The following TLX1 variants were observed in gnomAD, a reference collection of about 807,000 sequenced individuals.
TLX1 encodes the protein T cell leukemia homeobox 1, also known as T-cell leukemia homeobox protein 1.
Under a neutral mutation model 26.5 loss-of-function variants are expected in TLX1, and 6 were observed. The ratio of observed to expected loss-of-function variants is 0.23; its 90% CI spans 0.12 to 0.45. The LOEUF (loss-of-function observed/expected upper bound fraction) is 0.45, where lower values mean the gene tolerates loss of function less well. TLX1 is among the 20% of genes least tolerant of loss of function. The probability of loss-of-function intolerance (pLI) is 0.99; values close to 1 mark genes in which losing one functional copy is unlikely to be tolerated. For missense variants in TLX1, 418 were observed against 482.6 expected, an observed-to-expected ratio of 0.87 and a Z score of 1.25; for synonymous variants, 217 against 219.7, an observed-to-expected ratio of 0.99 and a Z score of 0.11.
rs1039845753 is a variant in TLX1 at position 101,132,251 on chromosome 10, G to C, written c.568+142G>C. On this transcript the variant is annotated intron_variant, in intron 1 of 2. Transcript: ENST00000370196. This position sits in a 1 kb window ranked among gnomAD's most constrained non-coding sequence, Gnocchi z 4.1. The stretch of plus-strand genomic sequence containing the variant: ...GTGCTTCCCCCAAGTTGAGCCGCCC[G>C]CCCGATTCTATAACGCAGACTCGCC... The C allele has an allele frequency of 1.4e-6, 1 of 695,670 alleles. No homozygotes were observed. The highest frequency in any genetic ancestry group is 1.9e-5 in the African/African-American group (1 of 53,786). The allele number at this position is 695,670 out of a possible 1,614,324, so 43.1% of individuals were successfully genotyped here. A position where few individuals can be genotyped will look rare whatever the true frequency, so the allele number is the denominator to read the frequency against.
chr10:101,136,810 G>A lies in TLX1; in HGVS notation c.890G>A (p.Cys297Tyr). The change falls in exon 3 of 3, where the codon TGC (cysteine) becomes TAC (tyrosine). Residue 297 changes from cysteine to tyrosine, a missense_variant. Transcript: ENST00000370196. The part of the protein sequence containing the change: ...LAQPLPADPL[C>Y]VHNSSLFALQ... The stretch of plus-strand genomic sequence containing the variant: ...CAGCCGCTGCCCGCTGACCCTCTGT[G>A]CGTGCACAACTCGTCGCTCTTCGCC... The A allele has an allele frequency of 6.2e-7, 1 of 1,613,652 alleles. No homozygotes were observed. The highest frequency in any genetic ancestry group is 8.5e-7 in the Non-Finnish European group (1 of 1,180,024).
chr10:101,133,953 G>A (rs983731792), intron 1 of TLX1, among the ~76,000 whole-genome samples: 7 of 152,160 alleles, frequency 4.6e-5, no homozygotes, highest in African/African-American at 1.7e-4. Context: ...CGACGGCGGC[G>A]TCGGACTGGC....
chr10:101,137,476 TC>T lies in TLX1; in HGVS notation c.*564del. 1 of 241,826 alleles carries T rather than the reference TC, an allele frequency of 4.1e-6. No homozygotes were observed. The highest frequency in any genetic ancestry group is 8.1e-6 in the Non-Finnish European group (1 of 123,126). 15.0% of individuals were successfully genotyped at this position (241,826 alleles called of 1,614,324 possible). On this transcript the variant is annotated 3_prime_UTR_variant, in exon 3 of 3. Coordinates refer to ENST00000370196, the MANE Select transcript of TLX1 (RefSeq NM_005521.4). ...GGCACAGGTCAGGGGTGACACAGACTCATCCTGAACAGCATGGCACTCCCTC... is the reference window on the plus strand; with the variant it reads ...GGCACAGGTCAGGGGTGACACAGACTATCCTGAACAGCATGGCACTCCCTC...
In TLX1 at chr10:101,137,362, G is replaced by C. The variant is rs146574082; in HGVS notation, c.*449G>C. The C allele has an allele frequency of 1.4e-3, 375 of 277,580 alleles. No homozygotes were observed. Among genetic ancestry groups the C allele is most frequent in the African/African-American group, 7.2e-3 (338 of 46,724 alleles). 17.2% of individuals were successfully genotyped at this position (277,580 alleles called of 1,614,324 possible). A position where few individuals can be genotyped will look rare whatever the true frequency, so the allele number is the denominator to read the frequency against. On this transcript the variant is annotated 3_prime_UTR_variant, in exon 3 of 3. Coordinates refer to ENST00000370196, the MANE Select transcript of TLX1 (RefSeq NM_005521.4). The stretch of plus-strand genomic sequence containing the variant: ...ACAGGTGGTGTCACTGTCCCTCCTG[G>C]TGTCACCCCAGAGCCACACATGGGC...
Position 101,131,526 on chromosome 10 carries a change from T to G in TLX1, c.-16T>G. 7.0e-7 allele frequency: 1 copy of G among 1,425,644 alleles called. No homozygotes were observed. The highest frequency in any genetic ancestry group is 2.8e-5 in the East Asian group (1 of 36,188). The allele number at this position is 1,425,644 out of a possible 1,614,324, so 88.3% of individuals were successfully genotyped here. A position where few individuals can be genotyped will look rare whatever the true frequency, so the allele number is the denominator to read the frequency against. Reference sequence around the variant, plus strand: ...GAGCGCCGCCGCCCGGGCCCCCCGGTGGGGCCAGGGCCAGCATGGAGCACC... The same window carrying G: ...GAGCGCCGCCGCCCGGGCCCCCCGGGGGGGCCAGGGCCAGCATGGAGCACC... On this transcript the variant is annotated 5_prime_UTR_variant, in exon 1 of 3. Coordinates refer to ENST00000370196, the MANE Select transcript of TLX1 (RefSeq NM_005521.4).
intron 2 of TLX1, among the ~76,000 whole-genome samples, chr10:101,135,997 G>C (rs1472635256): frequency 6.6e-6 from 1 of 152,190 alleles, no homozygotes; most frequent in African/African-American, 2.4e-5. Flanking sequence ...TTCATCGATC[G>C]CCTACAAATT....
Position 101,136,727 on chromosome 10 carries a change from G to A in TLX1, c.807G>A (p.Gln269=), listed in dbSNP as rs1280061131. 6.2e-7 allele frequency: 1 copy of A among 1,613,098 alleles called. No individual in the cohort carries two copies. Among genetic ancestry groups the A allele is most frequent in the Non-Finnish European group, 8.5e-7 (1 of 1,179,996 alleles). Residue 269 remains glutamine, a synonymous_variant, in exon 3 of 3, where the codon CAG becomes CAA. Coordinates refer to ENST00000370196, the MANE Select transcript of TLX1 (RefSeq NM_005521.4). ...CGGAGGAACGGGAGGCCGAGAGGCAGCAAGCGAACCGCATCCTCCTGCAGT... is the reference window on the plus strand; with the variant it reads ...CGGAGGAACGGGAGGCCGAGAGGCAACAAGCGAACCGCATCCTCCTGCAGT... ...QTAEEREAER[Q]QANRILLQLQ...
chr10:101,131,880 T>C lies in TLX1; in HGVS notation c.339T>C (p.Pro113=). ...VNMALAGGPG[P]GGGGGSSGGA... ...TGGCCTTGGCAGGCGGCCCCGGTCCTGGCGGCGGCGGCGGCAGCAGCGGCG... is the reference window on the plus strand; with the variant it reads ...TGGCCTTGGCAGGCGGCCCCGGTCCCGGCGGCGGCGGCGGCAGCAGCGGCG... The change falls in exon 1 of 3, where the codon CCT becomes CCC. Residue 113 remains proline, a synonymous_variant. Transcript: ENST00000370196. The C allele has an allele frequency of 1.4e-6, 2 of 1,400,528 alleles. No homozygotes were observed. The highest frequency in any genetic ancestry group is 9.2e-7 in the Non-Finnish European group (1 of 1,084,732). 86.8% of individuals were successfully genotyped at this position (1,400,528 alleles called of 1,614,324 possible).
In TLX1 at chr10:101,136,909, A is replaced by G. The variant is rs1404551020; in HGVS notation, c.989A>G (p.Glu330Gly). Reference sequence around the variant, plus strand: ...GTCACGTCGGTGGCGTCGGCCTGCGAGTGAGCCTGCCCATTCTGCCCTGTG... The same window carrying G: ...GTCACGTCGGTGGCGTCGGCCTGCGGGTGAGCCTGCCCATTCTGCCCTGTG... ...TSVTSVASAC[E>G] Residue 330 changes from glutamate to glycine, a missense_variant, in exon 3 of 3, where the codon GAG becomes GGG. This residue lies in a region of TLX1 where 78 missense variants were observed against 92.2 expected (regional missense o/e 0.85). Transcript: ENST00000370196. 6.2e-7 allele frequency: 1 copy of G among 1,613,326 alleles called. No individual in the cohort carries two copies. The highest frequency in any genetic ancestry group is 2.2e-5 in the East Asian group (1 of 44,864).
In TLX1 at chr10:101,136,930, C is replaced by G. The variant is rs1240018776; in HGVS notation, c.*17C>G. The G allele has an allele frequency of 6.2e-7, 1 of 1,611,828 alleles. No individual in the cohort carries two copies. Among genetic ancestry groups the G allele is most frequent in the East Asian group, 2.2e-5 (1 of 44,820 alleles). On this transcript the variant is annotated 3_prime_UTR_variant, in exon 3 of 3. Transcript: ENST00000370196. ...TGCGAGTGAGCCTGCCCATTCTGCCCTGTGGGACCCCAGGCCCACTCAGGG... is the reference window on the plus strand; with the variant it reads ...TGCGAGTGAGCCTGCCCATTCTGCCGTGTGGGACCCCAGGCCCACTCAGGG...
At chr10:101,134,504 C>T (rs1940248062) in intron 2 of TLX1, 128 bp downstream of exon 2, 2 of 1,101,010 alleles carry the variant, frequency 1.8e-6, no homozygotes, top group Non-Finnish European at 2.5e-6. Flanking sequence ...GAGGAGCGAG[C>T]TCCCGCTAGG....
At chr10:101,136,293 G>A (rs77007443) in intron 2 of TLX1, among the ~76,000 whole-genome samples, 2,818 of 152,292 alleles carry the variant, frequency 0.019, 74 homozygotes, top group African/African-American at 0.06. Flanking sequence ...CTGGACTTGT[G>A]GGTAGGGTGA....
chr10:101,131,913 G>C lies in TLX1; in HGVS notation c.372G>C (p.Gly124=). 1 of 1,399,426 alleles carries C rather than the reference G, an allele frequency of 7.1e-7. No individual in the cohort carries two copies. The highest frequency in any genetic ancestry group is 9.2e-7 in the Non-Finnish European group (1 of 1,084,882). 86.7% of individuals were successfully genotyped at this position (1,399,426 alleles called of 1,614,324 possible). Reference sequence around the variant, plus strand: ...GCGGCGGCAGCAGCGGCGGTGCCGGGGCACTCAGCGCTGCGGGGGTAATCC... The same window carrying C: ...GCGGCGGCAGCAGCGGCGGTGCCGGCGCACTCAGCGCTGCGGGGGTAATCC... The part of the protein sequence containing the change: ...GGGGGSSGGA[G]ALSAAGVIRV... The change falls in exon 1 of 3, where the codon GGG becomes GGC. Residue 124 remains glycine (G), a synonymous_variant. Coordinates refer to ENST00000370196, the MANE Select transcript of TLX1 (RefSeq NM_005521.4).
Position 101,137,350 on chromosome 10 carries a change from C to T in TLX1, c.*437C>T, listed in dbSNP as rs1940318332. 1 of 283,746 alleles carries T rather than the reference C, an allele frequency of 3.5e-6. No homozygotes were observed. The highest frequency in any genetic ancestry group is 2.1e-5 in the African/African-American group (1 of 46,842). The allele number at this position is 283,746 out of a possible 1,614,324, so 17.6% of individuals were successfully genotyped here. A position where few individuals can be genotyped will look rare whatever the true frequency, so the allele number is the denominator to read the frequency against. On this transcript the variant is annotated 3_prime_UTR_variant, in exon 3 of 3. Coordinates refer to ENST00000370196, the MANE Select transcript of TLX1 (RefSeq NM_005521.4). ...ATAGGCCCACACACAGGTGGTGTCA[C>T]TGTCCCTCCTGGTGTCACCCCAGAG...
Position 101,132,200 on chromosome 10 carries a change from C to A in TLX1, c.568+91C>A. 1.8e-6 allele frequency: 2 copies of A among 1,135,240 alleles called. No homozygotes were observed. The highest frequency in any genetic ancestry group is 2.3e-6 in the Non-Finnish European group (2 of 888,484). 70.3% of individuals were successfully genotyped at this position (1,135,240 alleles called of 1,614,324 possible). On this transcript the variant is annotated intron_variant, in intron 1 of 2. Coordinates refer to ENST00000370196, the MANE Select transcript of TLX1 (RefSeq NM_005521.4). This position sits in a 1 kb window ranked among gnomAD's most constrained non-coding sequence, Gnocchi z 4.1. ...GGGTGGCTCCCCAAAGCCGGTTCTG[C>A]GCTCCAGGTCGCCCAGCTCTTCTTG...
intron 1 of TLX1, among the ~76,000 whole-genome samples, chr10:101,133,383 A>G (rs982137717): frequency 8.2e-4 from 125 of 152,338 alleles, no homozygotes; most frequent in African/African-American, 2.9e-3. Flanking sequence ...GCTTGGGTCT[A>G]GGCCTCAGGA....
Position 101,131,873 on chromosome 10 carries a change from CCGG to C in TLX1, c.333_335del (p.Gly112del). ...GTGAACATGGCCTTGGCAGGCGGCC[CCGG>C]TCCTGGCGGCGGCGGCGGCAGCAGC... On this transcript the variant is annotated inframe_deletion, in exon 1 of 3. Coordinates refer to ENST00000370196, the MANE Select transcript of TLX1 (RefSeq NM_005521.4). 7.1e-7 allele frequency: 1 copy of C among 1,404,266 alleles called. No homozygotes were observed. The allele number at this position is 1,404,266 out of a possible 1,614,324, so 87.0% of individuals were successfully genotyped here. A position where few individuals can be genotyped will look rare whatever the true frequency, so the allele number is the denominator to read the frequency against.
Position 101,131,797 on chromosome 10 carries a change from G to A in TLX1, c.256G>A (p.Ala86Thr). Residue 86 changes from alanine to threonine, a missense_variant, in exon 1 of 3, where the codon GCA (alanine) becomes ACA (threonine). Around this residue, in one of 3 missense-constraint regions of TLX1, gnomAD observed 322 missense variants for 344.6 expected, o/e 0.93. Coordinates refer to ENST00000370196, the MANE Select transcript of TLX1 (RefSeq NM_005521.4). ...TGGPGGPGGP[A>T]GGGGACSMGP... ...AGGTCCCGGCGGCCCCGGAGGCCCG[G>A]CAGGCGGCGGCGGCGCCTGCAGCAT... The A allele has an allele frequency of 7.2e-7, 1 of 1,387,398 alleles. No homozygotes were observed. The highest frequency in any genetic ancestry group is 1.5e-5 in the African/African-American group (1 of 65,416). The allele number at this position is 1,387,398 out of a possible 1,614,324, so 85.9% of individuals were successfully genotyped here.
intron 2 of TLX1, chr10:101,135,538 G>A (rs1473631922): frequency 1.9e-5 from 3 of 153,914 alleles, no homozygotes; most frequent in African/African-American, 4.8e-5. Context: ...GGCCTACTGA[G>A]GGCTGCTGGC....
Sources: gnomAD v4.1 joint callset for allele counts (sites outside exome capture counted in the v4.1 genomes callset) on GRCh38, gnomAD v4.1.1 for gene constraint, gnomAD v4.1.1 regional missense constraint, Gnocchi (gnomAD v3.1) non-coding constraint, MANE v1.5 for transcripts, NCBI Gene and HGNC (gene_info 2026-07-23, HGNC 2026-07-21) for gene names.